The following COL4A6 variants were observed in gnomAD, a reference collection of about 807,000 sequenced individuals.
The protein encoded by COL4A6 is collagen alpha-6(IV) chain.
In COL4A6, 59 loss-of-function variants were observed where a neutral mutation model predicts 126.7. The observed-to-expected ratio is 0.47, with a 90% CI of 0.38 to 0.58. The LOEUF (loss-of-function observed/expected upper bound fraction) is 0.58, where lower values mean the gene tolerates loss of function less well. Ranked by LOEUF, COL4A6 falls within the 20% of genes least tolerant of loss-of-function variation. COL4A6 has a pLI of 0.00. For missense variants in COL4A6, 1,285 were observed against 1,337.3 expected, an observed-to-expected ratio of 0.96 and a Z score of 0.61; for synonymous variants, 547 against 496.6, an observed-to-expected ratio of 1.10 and a Z score of -1.35.
intron 28 of COL4A6, 67 bp downstream of exon 28, chrX:108,176,774 G>A (rs1344445084): frequency 5.0e-5 from 53 of 1,068,445 alleles, no homozygotes; most frequent in Non-Finnish European, 6.2e-5. Context: ...AGAGGAAGGA[G>A]CAAGCTGCGC....
rs1339053260 is a variant in COL4A6, at chrX:108,191,442, G to A, written c.1272C>T (p.Leu424=). ...PGRTTIGAAG[L]PGRDGLPGPP... The stretch of plus-strand genomic sequence containing the variant: ...GGCCTGGCAAACCATCTCTGCCAGG[G>A]AGGCCAGCTGCTCCAATTGTGGTAC... The change falls in exon 19 of 45, where the codon CTC becomes CTT. Residue 424 remains leucine (L), a synonymous_variant. Transcript: ENST00000334504. The A allele has an allele frequency of 8.3e-7, 1 of 1,209,641 alleles. No homozygotes were observed. Among genetic ancestry groups the A allele is most frequent in the African/African-American group, 1.8e-5 (1 of 57,085 alleles).
intron 23 of COL4A6, among the ~76,000 whole-genome samples, chrX:108,182,079 A>G (rs73636377): frequency 0.052 from 5,786 of 112,232 alleles, 214 homozygotes; most frequent in African/African-American, 0.12. Flanking sequence ...AGTATAATGT[A>G]TTGGTTAACA....
chrX:108,404,378 T>G (rs1212369110), intron 2 of COL4A6, among the ~76,000 whole-genome samples: 1 of 111,922 alleles, frequency 8.9e-6, no homozygotes, highest in East Asian at 2.8e-4. Context: ...TCTTGTTGCT[T>G]AGTTATTAGA....
chrX:108,345,052 C>G (rs1220790831), intron 2 of COL4A6, among the ~76,000 whole-genome samples: 2 of 111,528 alleles, frequency 1.8e-5, no homozygotes, highest in Admixed American at 9.5e-5. Flanking sequence ...ACATCATAGA[C>G]ATATAGAGTG....
intron 31 of COL4A6, among the ~76,000 whole-genome samples, chrX:108,173,272 C>A (rs2034372443): frequency 8.9e-6 from 1 of 111,875 alleles, no homozygotes; most frequent in Non-Finnish European, 1.9e-5. Flanking sequence ...GGACCACTAC[C>A]CAGGACACCC....
chrX:108,349,198 G>A lies in COL4A6; in HGVS notation c.64-38370C>T, dbSNP rs768194820. ...CACAGTGAAAACTTTTCATTTGTAC[G>A]AAAGCAAAACTATATTGCTGTAAAA... On this transcript the variant is annotated intron_variant, in intron 2 of 44. Coordinates refer to ENST00000334504, the MANE Select transcript of COL4A6 (RefSeq NM_033641.4). Among the ~76,000 whole-genome samples the A allele has an allele frequency of 2.7e-4, 30 of 111,752 alleles. No homozygotes were observed. In the East Asian group the frequency reaches 7.6e-3, roughly 28 times the overall value.
In COL4A6 at chrX:108,162,984, T is replaced by C; in HGVS notation, c.4124A>G (p.Gln1375Arg). ...TAGACCCAAGGGTCCAGGAGGAACCTGGACAGCTTCTGCAGTTGGTGTTTG... is the reference window on the plus strand; with the variant it reads ...TAGACCCAAGGGTCCAGGAGGAACCCGGACAGCTTCTGCAGTTGGTGTTTG... ...PGQTPTAEAV[Q>R]VPPGPLGLPG... The change falls in exon 41 of 45, where the codon CAG becomes CGG. Residue 1375 changes from glutamine to arginine, a missense_variant. By Grantham distance (43) the Gln-to-Arg change is conservative. Coordinates refer to ENST00000334504, the MANE Select transcript of COL4A6 (RefSeq NM_033641.4). The C allele has an allele frequency of 2.5e-6, 3 of 1,201,403 alleles. No homozygotes were observed. The highest frequency in any genetic ancestry group is 1.1e-6 in the Non-Finnish European group (1 of 891,349).
intron 3 of COL4A6, among the ~76,000 whole-genome samples, chrX:108,226,942 A>G (rs1156734288): frequency 9.0e-6 from 1 of 110,852 alleles, no homozygotes; most frequent in Admixed American, 9.6e-5. Context: ...GTGACCTCCA[A>G]TCTTGCGTTA....
intron 2 of COL4A6, among the ~76,000 whole-genome samples, chrX:108,315,430 G>T (rs887955629): frequency 1.8e-5 from 2 of 111,537 alleles, no homozygotes; most frequent in African/African-American, 6.5e-5. Context: ...AGTAGAGATG[G>T]GGTTTTGCCA....
chrX:108,347,334 G>A (rs919480753), intron 2 of COL4A6, among the ~76,000 whole-genome samples: 3 of 112,472 alleles, frequency 2.7e-5, no homozygotes, highest in Non-Finnish European at 5.6e-5. Context: ...GCCCTGGGGA[G>A]AATCAATTTT....
At chrX:108,374,927 CTT>C (rs1349427232) in intron 2 of COL4A6, among the ~76,000 whole-genome samples, 2 of 111,842 alleles carry the variant, frequency 1.8e-5, no homozygotes, top group Non-Finnish European at 3.8e-5. Context: ...CTTGCAGTCT[CTT>C]TAATAAAATT....
intron 3 of COL4A6, among the ~76,000 whole-genome samples, chrX:108,253,574 T>C (rs1343445757): frequency 8.9e-6 from 1 of 112,093 alleles, no homozygotes; most frequent in African/African-American, 3.2e-5. Flanking sequence ...CATCTTTGTA[T>C]CCATACAGCC....
intron 3 of COL4A6, among the ~76,000 whole-genome samples, chrX:108,256,222 A>G (rs1257592509): frequency 2.7e-5 from 3 of 112,099 alleles, no homozygotes; most frequent in Non-Finnish European, 5.7e-5. Context: ...ATTCAGGTAA[A>G]CCTGAGAACC....
chrX:108,182,332 T>A (rs1433364118), intron 23 of COL4A6, among the ~76,000 whole-genome samples: 2 of 112,462 alleles, frequency 1.8e-5, no homozygotes, highest in Non-Finnish European at 3.8e-5. Flanking sequence ...TATGTAAGAA[T>A]GAGTACTCAG....
chrX:108,402,778 G>GA (rs2041116664), intron 2 of COL4A6, among the ~76,000 whole-genome samples: 2 of 110,630 alleles, frequency 1.8e-5, no homozygotes, highest in Admixed American at 9.7e-5. Context: ...TTTTGTTGTT[G>GA]ACGTCATATG....
intron 31 of COL4A6, among the ~76,000 whole-genome samples, chrX:108,173,603 C>T (rs1413969929): frequency 1.8e-5 from 2 of 111,447 alleles, no homozygotes; most frequent in Non-Finnish European, 3.8e-5. Context: ...TCATTGAGAC[C>T]ATTTGATACA....
intron 3 of COL4A6, among the ~76,000 whole-genome samples, chrX:108,309,634 C>T (rs918582822): frequency 9.0e-6 from 1 of 111,157 alleles, no homozygotes; most frequent in Non-Finnish European, 1.9e-5. Flanking sequence ...GGAACGGTCA[C>T]TGTGTTCCCT....
chrX:108,328,962 A>C (rs2039228923), intron 2 of COL4A6, among the ~76,000 whole-genome samples: 1 of 112,074 alleles, frequency 8.9e-6, no homozygotes, highest in African/African-American at 3.2e-5. Context: ...AGAAAAGTCA[A>C]ACACAGAATA....
chrX:108,361,625 C>G (rs1603162287), intron 2 of COL4A6, among the ~76,000 whole-genome samples: 2 of 111,620 alleles, frequency 1.8e-5, no homozygotes, highest in African/African-American at 6.5e-5. Flanking sequence ...AATGGAACTT[C>G]CAAGTCATAA....
Sources: gnomAD v4.1 joint callset for allele counts (sites outside exome capture counted in the v4.1 genomes callset) on GRCh38, gnomAD v4.1.1 for gene constraint, MANE v1.5 for transcripts, NCBI Gene and HGNC (gene_info 2026-07-23, HGNC 2026-07-21) for gene names.